GOSR2: variants seen among roughly 807,000 people sequenced by gnomAD.
GOSR2 encodes 27 kDa Golgi SNARE protein.
GOSR2 carries 20 observed loss-of-function variants against 27.9 expected under a neutral mutation model. The ratio of observed to expected loss-of-function variants is 0.72; its 90% CI spans 0.50 to 1.04. The LOEUF (loss-of-function observed/expected upper bound fraction) is 1.04, where lower values mean the gene tolerates loss of function less well. Among genes scored for constraint, GOSR2 ranks in the 50% least tolerant of loss-of-function variants. GOSR2 has a pLI of 0.00. For synonymous variants in GOSR2, 91 were observed against 98.8 expected, an observed-to-expected ratio of 0.92 and a Z score of 0.47; for missense variants, 261 against 270.5, an observed-to-expected ratio of 0.97 and a Z score of 0.25.
chr17:46,936,224 CT>C (rs1249744953), intron 5 of GOSR2: 83 of 985,338 alleles, frequency 8.4e-5, no homozygotes, highest in Non-Finnish European at 8.8e-5. Flanking sequence ...TCTGCCCTTT[CT>C]TTAGAAAACT....
chr17:46,937,526 T>C (rs958612357), intron 5 of GOSR2: 3 of 152,242 alleles, frequency 2.0e-5, no homozygotes, highest in African/African-American at 7.2e-5. Context: ...CCTTTGTAAC[T>C]CACACTCCCA....
intron 6 of GOSR2, among the ~76,000 whole-genome samples, chr17:46,974,535 G>C (rs553479927): frequency 2.2e-4 from 33 of 152,200 alleles, no homozygotes; most frequent in African/African-American, 6.7e-4. Flanking sequence ...GAGATCGAGA[G>C]CATCCTGGCT....
At position 46,972,087 on chromosome 17, in the gene GOSR2, G is replaced by A. The variant is rs568898765; in HGVS notation, c.616-3112G>A. 4.5e-3 allele frequency among the ~76,000 whole-genome samples: 57 copies of A among 12,702 alleles called. No homozygotes were observed. In the Non-Finnish European group the frequency reaches 0.16, roughly 37 times the overall value. The allele number at this position is 12,702 out of a possible 152,430, so 8.3% of individuals were successfully genotyped here. On this transcript the variant is annotated intron_variant, in intron 6 of 6. Transcript: ENST00000640723. Reference sequence around the variant, plus strand: ...TCACCCTCAGTGTTGCTGCTTCCCCGCTTTATGTTCTATAGAGACACCCGG... The same window carrying A: ...TCACCCTCAGTGTTGCTGCTTCCCCACTTTATGTTCTATAGAGACACCCGG...
intron 6 of GOSR2, among the ~76,000 whole-genome samples, chr17:46,957,151 A>T (rs1192024811): frequency 6.6e-6 from 1 of 152,172 alleles, no homozygotes; most frequent in African/African-American, 2.4e-5. Context: ...TCTACAAAAA[A>T]TACAAAAATT....
chr17:46,923,844 T>A (rs1232864248), intron 1 of GOSR2: 1 of 399,132 alleles, frequency 2.5e-6, no homozygotes, highest in Non-Finnish European at 4.4e-6. Context: ...GTCCTGCACT[T>A]TCGGAATTGC....
chr17:46,945,330 G>A (rs1229803203), downstream of GOSR2, among the ~76,000 whole-genome samples: 1 of 152,186 alleles, frequency 6.6e-6, no homozygotes, highest in Non-Finnish European at 1.5e-5. Flanking sequence ...ACTGAGAGCT[G>A]GAGAAGCTGT....
intron 6 of GOSR2, among the ~76,000 whole-genome samples, chr17:46,955,989 A>G (rs1048978747): frequency 2.6e-5 from 4 of 152,130 alleles, no homozygotes; most frequent in African/African-American, 9.7e-5. Flanking sequence ...CTCACATCAG[A>G]CTGGGAATGG....
intron 6 of GOSR2, chr17:46,964,257 G>A (rs2091216765): frequency 6.6e-6 from 1 of 152,214 alleles, no homozygotes; most frequent in Admixed American, 6.5e-5. Flanking sequence ...AACCCACTGA[G>A]AACGAGTGTT....
At chr17:46,932,677 C>T (rs1037394729) in intron 4 of GOSR2, 1 of 236,270 alleles carries the variant, frequency 4.2e-6, no homozygotes, top group African/African-American at 2.3e-5. Flanking sequence ...AATTTGTTAA[C>T]AGATGTTTAG....
At chr17:46,933,735 G>A (rs1263895769) in intron 4 of GOSR2, 1 of 151,290 alleles carries the variant, frequency 6.6e-6, no homozygotes, top group Admixed American at 6.6e-5. Flanking sequence ...CACTTTGGGA[G>A]ACCAAGGCAG....
At position 46,940,094 on chromosome 17, in the gene GOSR2, CT is replaced by C; in HGVS notation, c.*1336del. On this transcript the variant is annotated 3_prime_UTR_variant, in exon 6 of 6. Coordinates refer to ENST00000640051, the MANE Select transcript of GOSR2 (RefSeq NM_004287.5). Reference sequence around the variant, plus strand: ...TTGAACTGTCTTCTGTCTTATTTCCCTTCCTTTCTGTGTTCCTCTTCACCTC... The same window carrying C: ...TTGAACTGTCTTCTGTCTTATTTCCCTCCTTTCTGTGTTCCTCTTCACCTC... The C allele has an allele frequency of 8.7e-7, 1 of 1,144,334 alleles. No individual in the cohort carries two copies. The highest frequency in any genetic ancestry group is 1.1e-6 in the Non-Finnish European group (1 of 928,342). 70.9% of individuals were successfully genotyped at this position (1,144,334 alleles called of 1,614,324 possible). A position where few individuals can be genotyped will look rare whatever the true frequency, so the allele number is the denominator to read the frequency against.
chr17:46,949,904 G>A (rs536759685), intron 6 of GOSR2, among the ~76,000 whole-genome samples: 8 of 152,324 alleles, frequency 5.3e-5, no homozygotes, highest in African/African-American at 1.9e-4. Flanking sequence ...GAGGTAAGTT[G>A]AGGCCAGACG....
chr17:46,948,447 T>C (rs1409528966), intron 6 of GOSR2: 8 of 152,230 alleles, frequency 5.3e-5, no homozygotes, highest in Admixed American at 1.3e-4. Flanking sequence ...CAGTCAGACT[T>C]TATTTGTTAC....
At chr17:46,946,324 G>T (rs1157680527), downstream of GOSR2, among the ~76,000 whole-genome samples, 1 of 151,192 alleles carries the variant, frequency 6.6e-6, no homozygotes, top group Non-Finnish European at 1.5e-5. Flanking sequence ...TGCCAGGAGT[G>T]GTGGCGCATG....
chr17:46,947,801 T>C (rs1184798053), intron 6 of GOSR2, among the ~76,000 whole-genome samples: 3 of 152,220 alleles, frequency 2.0e-5, no homozygotes, highest in Non-Finnish European at 2.9e-5. Flanking sequence ...GGAGTTTCAC[T>C]CTTGTTGCCC....
At chr17:46,926,802 A>T (rs2086568256) in intron 1 of GOSR2, among the ~76,000 whole-genome samples, 1 of 152,208 alleles carries the variant, frequency 6.6e-6, no homozygotes, top group Admixed American at 6.5e-5. Flanking sequence ...GATTGGTTCA[A>T]AGCAAATAGA....
chr17:46,942,726 CTG>C (rs1441174104), downstream of GOSR2, among the ~76,000 whole-genome samples: 2 of 152,246 alleles, frequency 1.3e-5, no homozygotes, highest in Non-Finnish European at 2.9e-5. Flanking sequence ...ATAGCCCTAT[CTG>C]TGGCTAGTGG....
At chr17:46,956,592 G>A (rs1468809472) in intron 6 of GOSR2, among the ~76,000 whole-genome samples, 2 of 152,132 alleles carry the variant, frequency 1.3e-5, no homozygotes, top group Non-Finnish European at 2.9e-5. Flanking sequence ...GTGAGCCACC[G>A]CACCCAGCCC....
intron 6 of GOSR2, among the ~76,000 whole-genome samples, chr17:46,955,315 C>T (rs1377654109): frequency 8.0e-5 from 12 of 150,894 alleles, no homozygotes; most frequent in South Asian, 6.4e-4. Context: ...TGCTGGATTA[C>T]GTTTATTGAT....
Sources: gnomAD v4.1 joint callset for allele counts (sites outside exome capture counted in the v4.1 genomes callset) on GRCh38, gnomAD v4.1.1 for gene constraint, MANE v1.5 for transcripts, NCBI Gene and HGNC (gene_info 2026-07-23, HGNC 2026-07-21) for gene names.